Variants in MTUS2 observed in about 807,000 individuals in gnomAD.
The protein encoded by MTUS2 is microtubule associated scaffold protein 2, also known as microtubule-associated tumor suppressor candidate 2.
In MTUS2, 40 loss-of-function variants were observed where a neutral mutation model predicts 114.1. The ratio of observed to expected loss-of-function variants is 0.35; its 90% confidence interval spans 0.27 to 0.46. The LOEUF is 0.46. Ranked by LOEUF, MTUS2 falls within the 20% of genes least tolerant of loss-of-function variation. The probability of loss-of-function intolerance (pLI) is 1.00; values close to 1 mark genes in which losing one functional copy is unlikely to be tolerated. For missense variants in MTUS2, 1,679 were observed against 1,705.4 expected (o/e 0.98, Z 0.27); for synonymous variants, 688 against 672.0 (o/e 1.02, Z -0.37).
intron 2 of MTUS2, among the ~76,000 whole-genome samples, chr13:28,924,344 G>A (rs1256335546): frequency 6.6e-6 from 1 of 152,174 alleles, no homozygotes; most frequent in African/African-American, 2.4e-5. Context: ...TCAGAATTGT[G>A]TATTTGTTGC....
chr13:29,394,556 A>T (rs1046485818), intron 8 of MTUS2, among the ~76,000 whole-genome samples: 4 of 152,204 alleles, frequency 2.6e-5, no homozygotes, highest in African/African-American at 9.7e-5. Context: ...AATGTCTCTT[A>T]TCAGATCAAA....
intron 2 of MTUS2, among the ~76,000 whole-genome samples, chr13:28,990,195 C>G (rs1252715145): frequency 2.0e-5 from 3 of 152,152 alleles, no homozygotes; most frequent in Non-Finnish European, 4.4e-5. Flanking sequence ...TGTTGGAGGC[C>G]TGGGACTTCG....
chr13:29,268,836 C>T (rs1008375222), intron 5 of MTUS2, among the ~76,000 whole-genome samples: 1 of 152,142 alleles, frequency 6.6e-6, no homozygotes, highest in Non-Finnish European at 1.5e-5. Context: ...CTTCAGCAAT[C>T]CTCCTACCTC....
At chr13:29,306,551 G>T (rs150300139) in intron 6 of MTUS2, among the ~76,000 whole-genome samples, 45 of 152,214 alleles carry the variant, frequency 3.0e-4, no homozygotes, top group African/African-American at 1.0e-3. Context: ...ACTACAAAAA[G>T]AATAAAATGC....
chr13:29,215,665 G>A (rs1024562032), intron 5 of MTUS2, among the ~76,000 whole-genome samples: 11 of 152,046 alleles, frequency 7.2e-5, no homozygotes, highest in African/African-American at 2.7e-4. Flanking sequence ...TTTGCTGGAG[G>A]TCTACTCCAG....
intron 7 of MTUS2, among the ~76,000 whole-genome samples, chr13:29,338,074 G>A (rs1373422987): frequency 6.6e-6 from 1 of 151,542 alleles, no homozygotes; most frequent in Non-Finnish European, 1.5e-5. Flanking sequence ...TTACAGGTGT[G>A]AGCCACTGTG....
intron 4 of MTUS2, among the ~76,000 whole-genome samples, chr13:29,038,558 G>A (rs1887189580): frequency 6.6e-6 from 1 of 152,238 alleles, no homozygotes; most frequent in Non-Finnish European, 1.5e-5. Context: ...CCTTAGCAGA[G>A]CTCCAGCGCT....
intron 4 of MTUS2, among the ~76,000 whole-genome samples, chr13:29,066,235 C>T (rs1032200416): frequency 2.0e-5 from 3 of 152,138 alleles, no homozygotes; most frequent in African/African-American, 7.2e-5. Flanking sequence ...CTAACACACC[C>T]TGTGTTTTCT....
At chr13:29,387,332 G>A (rs1300501536) in intron 8 of MTUS2, among the ~76,000 whole-genome samples, 2 of 152,090 alleles carry the variant, frequency 1.3e-5, no homozygotes, top group African/African-American at 2.4e-5. Flanking sequence ...TGCAAGTGGC[G>A]GGAGCTTCAG....
intron 8 of MTUS2, among the ~76,000 whole-genome samples, chr13:29,379,224 T>C (rs1340139192): frequency 6.6e-6 from 1 of 152,154 alleles, no homozygotes; most frequent in African/African-American, 2.4e-5. Flanking sequence ...GGACTGTTGG[T>C]GATTATGGAC....
rs890105033 is a variant in MTUS2 at position 28,959,219 on chromosome 13, C to T, written c.-242-65238C>T. On this transcript the variant is annotated intron_variant, in intron 2 of 15. Coordinates refer to ENST00000612955, the MANE Select transcript of MTUS2 (RefSeq NM_001033602.4). ...AGACAGGAAACTTCTCTGATCACCT[C>T]TCGACTCCAGCTGAACACCACGGAA... Among the ~76,000 whole-genome samples the T allele has an allele frequency of 2.6e-5, 4 of 152,350 alleles. No individual in the cohort carries two copies. In the East Asian group the frequency reaches 7.7e-4, roughly 29 times the overall value.
chr13:29,413,389 C>T (rs961736691), intron 8 of MTUS2, among the ~76,000 whole-genome samples: 5 of 150,426 alleles, frequency 3.3e-5, no homozygotes, highest in Admixed American at 6.6e-5. Context: ...AGGACATAGG[C>T]GTGGGCAAGG....
At chr13:28,895,029 C>A (rs777014077) in intron 2 of MTUS2, among the ~76,000 whole-genome samples, 2 of 152,184 alleles carry the variant, frequency 1.3e-5, no homozygotes, top group African/African-American at 4.8e-5. Context: ...TCGAAGATCT[C>A]GAAATCCATC....
intron 5 of MTUS2, among the ~76,000 whole-genome samples, chr13:29,270,856 C>T (rs1240141863): frequency 6.6e-6 from 1 of 152,160 alleles, no homozygotes; most frequent in Non-Finnish European, 1.5e-5. Flanking sequence ...GCACATGAGC[C>T]GCATCAGGGA....
chr13:29,161,397 G>T (rs867715454), intron 5 of MTUS2, among the ~76,000 whole-genome samples: 4 of 151,340 alleles, frequency 2.6e-5, no homozygotes, highest in Non-Finnish European at 4.4e-5. Flanking sequence ...TTTTTGATTT[G>T]TATAAATTAT....
intron 5 of MTUS2, among the ~76,000 whole-genome samples, chr13:29,161,467 A>T: frequency 6.6e-6 from 1 of 151,770 alleles, no homozygotes. Flanking sequence ...ATAGCTTGGT[A>T]TTTATAAGAA....
chr13:29,084,660 C>T (rs1292012621), intron 4 of MTUS2, among the ~76,000 whole-genome samples: 2 of 151,894 alleles, frequency 1.3e-5, no homozygotes, highest in East Asian at 3.9e-4. Flanking sequence ...GTTTCAGCCT[C>T]CCTAGGAGCT....
chr13:29,402,208 G>A lies in MTUS2; in HGVS notation c.3118-37775G>A, dbSNP rs772201053. On this transcript the variant is annotated intron_variant, in intron 8 of 15. Transcript: ENST00000612955. ...TGATCCTTGAGTGCCCTTTGATGAC[G>A]TCACTGTGCTTAGTCCCCAGACCCC... Among the ~76,000 whole-genome samples the A allele has an allele frequency of 3.3e-4, 50 of 152,002 alleles. 1 individual carries two copies. The highest frequency in any genetic ancestry group is 1.6e-3 in the Admixed American group (25 of 15,252).
At chr13:29,423,168 A>C (rs1225343975) in intron 8 of MTUS2, among the ~76,000 whole-genome samples, 4 of 152,174 alleles carry the variant, frequency 2.6e-5, no homozygotes, top group African/African-American at 9.7e-5. Flanking sequence ...CCAGCCTCTG[A>C]AAGCTCCAAG....
Sources: gnomAD v4.1 joint callset for allele counts (sites outside exome capture counted in the v4.1 genomes callset) on GRCh38, gnomAD v4.1.1 for gene constraint, MANE v1.5 for transcripts, NCBI Gene and HGNC (gene_info 2026-07-23, HGNC 2026-07-21) for gene names.